CPLX4: variants seen among roughly 807,000 people sequenced by gnomAD.
CPLX4 encodes the protein complexin-4.
A neutral mutation model predicts 16.1 loss-of-function variants in CPLX4; 17 were observed. The ratio of observed to expected loss-of-function variants is 1.06; its 90% CI spans 0.72 to 1.59. The LOEUF (loss-of-function observed/expected upper bound fraction) is 1.59, where lower values mean the gene tolerates loss of function less well. Among genes scored for constraint, CPLX4 ranks in the 40% most tolerant of loss-of-function variants. The pLI, the probability that CPLX4 is intolerant of heterozygous loss-of-function variation, is 0.00. For synonymous variants in CPLX4, 55 were observed against 57.8 expected, an observed-to-expected ratio of 0.95 and a Z score of 0.22; for missense variants, 193 against 192.9, an observed-to-expected ratio of 1.00 and a Z score of 0.00.
Position 59,296,920 on chromosome 18 carries a change from T to G in CPLX4, c.261A>C (p.Glu87Asp), listed in dbSNP as rs1277791467. The change falls in exon 3 of 3, where the codon GAA (glutamate) becomes GAC (aspartate). Residue 87 changes from glutamate (E) to aspartate (D), a missense_variant. By Grantham distance (45) the Glu-to-Asp change is conservative (BLOSUM62 2). Transcript: ENST00000299721. ...CCATCTGGATTTGATTCTCATCCAT[T>G]TCACTCTATGTGAAAAATAAATAGA... ...LREKYRLPKS[E>D]MDENQIQMAG... The G allele has an allele frequency of 4.4e-6, 7 of 1,606,972 alleles. No individual in the cohort carries two copies. The highest frequency in any genetic ancestry group is 5.9e-6 in the Non-Finnish European group (7 of 1,178,712).
chr18:59,301,823 T>C (rs1351269369), intron 2 of CPLX4, among the ~76,000 whole-genome samples: 1 of 152,264 alleles, frequency 6.6e-6, no homozygotes, highest in Non-Finnish European at 1.5e-5. Flanking sequence ...CACCAATGCA[T>C]GACCTTGGGC....
intron 2 of CPLX4, among the ~76,000 whole-genome samples, chr18:59,308,541 C>CTTTT (rs372511937): frequency 5.0e-5 from 6 of 119,398 alleles, no homozygotes; most frequent in Non-Finnish European, 6.8e-5. Context: ...CCTATCAAGA[C>CTTTT]TTTTTTTTTT....
chr18:59,300,582 A>G (rs2070534055), intron 2 of CPLX4, among the ~76,000 whole-genome samples: 1 of 152,160 alleles, frequency 6.6e-6, no homozygotes, highest in Admixed American at 6.5e-5. Context: ...CTTCGTATAG[A>G]TGGCCTCTTT....
chr18:59,302,286 C>T (rs1346841916), intron 2 of CPLX4, among the ~76,000 whole-genome samples: 1 of 152,216 alleles, frequency 6.6e-6, no homozygotes, highest in Non-Finnish European at 1.5e-5. Context: ...ACAGTTCACA[C>T]TTCAAGGAAA....
At chr18:59,305,704 G>A (rs1320426000) in intron 2 of CPLX4, among the ~76,000 whole-genome samples, 2 of 152,196 alleles carry the variant, frequency 1.3e-5, no homozygotes, top group Non-Finnish European at 2.9e-5. Flanking sequence ...GGTGGCTGCA[G>A]TTATGAAATT....
chr18:59,317,038 G>T (rs1393682356), intron 1 of CPLX4, among the ~76,000 whole-genome samples: 1 of 152,026 alleles, frequency 6.6e-6, no homozygotes, highest in Non-Finnish European at 1.5e-5. Flanking sequence ...TTTGCTAGTT[G>T]CATTGACTGT....
rs1487304096 is a variant in CPLX4 at position 59,295,511 on chromosome 18, G to A, written c.*1187C>T. ...AGAACAACTTAGACCCTAAGTTTTC[G>A]GTCTCAGTTTCCTTTTCCTTTGATA... On this transcript the variant is annotated 3_prime_UTR_variant, in exon 3 of 3. Transcript: ENST00000299721. The A allele has an allele frequency of 2.0e-5, 3 of 151,300 alleles. No homozygotes were observed. The highest frequency in any genetic ancestry group is 2.1e-4 in the South Asian group (1 of 4,810). The allele number at this position is 151,300 out of a possible 1,614,324, so 9.4% of individuals were successfully genotyped here.
chr18:59,300,770 C>A (rs1179288624), intron 2 of CPLX4, among the ~76,000 whole-genome samples: 1 of 152,164 alleles, frequency 6.6e-6, no homozygotes, highest in Non-Finnish European at 1.5e-5. Context: ...GGCAGTCTTG[C>A]ACATGGGGTT....
At chr18:59,300,907 C>T (rs1217690224) in intron 2 of CPLX4, among the ~76,000 whole-genome samples, 2 of 152,212 alleles carry the variant, frequency 1.3e-5, no homozygotes, top group Middle Eastern at 3.2e-3. Flanking sequence ...GCACTAGGCT[C>T]TCTATTCTAG....
At position 59,308,478 on chromosome 18, in the gene CPLX4, TTTTC is replaced by T. The variant is rs551366357; in HGVS notation, c.255+4203_255+4206del. Reference sequence around the variant, plus strand: ...AAATAGTAAGGCTTTTTTTTTTTCCTTTTCTTTCTTTCTTTGTTGTTGTTTTGTT... The same window carrying T: ...AAATAGTAAGGCTTTTTTTTTTTCCTTTTCTTTCTTTGTTGTTGTTTTGTT... On this transcript the variant is annotated intron_variant, in intron 2 of 2. Coordinates refer to ENST00000299721, the MANE Select transcript of CPLX4 (RefSeq NM_181654.4). Among the ~76,000 whole-genome samples, 1,072 of 151,496 alleles carry T rather than the reference TTTTC, an allele frequency of 7.1e-3. 13 individuals are homozygous for T. The highest frequency in any genetic ancestry group is 0.01 in the Non-Finnish European group (693 of 67,872).
intron 1 of CPLX4, among the ~76,000 whole-genome samples, chr18:59,315,248 A>G (rs2070644257): frequency 6.6e-6 from 1 of 152,100 alleles, no homozygotes; most frequent in African/African-American, 2.4e-5. Flanking sequence ...CTGTGATTTT[A>G]ATTTTTTCCA....
At chr18:59,307,408 G>T (rs2070584074) in intron 2 of CPLX4, among the ~76,000 whole-genome samples, 1 of 152,236 alleles carries the variant, frequency 6.6e-6, no homozygotes, top group South Asian at 2.1e-4. Flanking sequence ...TTGGAGGGAA[G>T]TGATGGTTGG....
At chr18:59,298,981 C>T (rs186581269) in intron 2 of CPLX4, among the ~76,000 whole-genome samples, 73 of 152,326 alleles carry the variant, frequency 4.8e-4, no homozygotes, top group African/African-American at 1.6e-3. Context: ...TTCACCCAGG[C>T]CCTCCTTGGA....
rs142303103 is a variant in CPLX4 at position 59,306,474 on chromosome 18, C to T, written c.255+6211G>A. Among the ~76,000 whole-genome samples the T allele has an allele frequency of 4.6e-5, 7 of 152,272 alleles. No homozygotes were observed. The East Asian group carries it at 1.4e-3, about 29-fold the overall frequency. On this transcript the variant is annotated intron_variant, in intron 2 of 2. Coordinates refer to ENST00000299721, the MANE Select transcript of CPLX4 (RefSeq NM_181654.4). ...TGATTACCAAAATTAACAATGGTCA[C>T]CAAAAGACATTGGTATAGCAAATAG...
Position 59,312,689 on chromosome 18 carries a change from G to A in CPLX4, c.251C>T (p.Pro84Leu). 8.0e-7 allele frequency: 1 copy of A among 1,251,332 alleles called. No individual in the cohort carries two copies. Among genetic ancestry groups the A allele is most frequent in the Non-Finnish European group, 1.2e-6 (1 of 848,974 alleles). The allele number at this position is 1,251,332 out of a possible 1,614,324, so 77.5% of individuals were successfully genotyped here. Reference sequence around the variant, plus strand: ...GATGTTTCCAGAGTGTCTTACCTTTGGGAGCCTGTATTTTTCTCTGAGATG... The same window carrying A: ...GATGTTTCCAGAGTGTCTTACCTTTAGGAGCCTGTATTTTTCTCTGAGATG... ...RVHLREKYRL[P>L]KSEMDENQIQ... The change falls in exon 2 of 3, where the codon CCA becomes CTA. Residue 84 changes from proline (P) to leucine (L), a missense_variant. Coordinates refer to ENST00000299721, the MANE Select transcript of CPLX4 (RefSeq NM_181654.4).
intron 2 of CPLX4, among the ~76,000 whole-genome samples, chr18:59,308,007 A>G (rs1001903794): frequency 6.7e-6 from 1 of 150,032 alleles, no homozygotes; most frequent in African/African-American, 2.5e-5. Flanking sequence ...TGAACTCTTG[A>G]CCTCAGGTGA....
intron 2 of CPLX4, 41 bp from the exon 3 acceptor site, chr18:59,296,966 C>T: frequency 1.3e-6 from 2 of 1,577,862 alleles, no homozygotes; most frequent in Non-Finnish European, 8.5e-7. Flanking sequence ...TAACTCTAAA[C>T]TACTAACTCA....
chr18:59,295,606 G>A lies in CPLX4; in HGVS notation c.*1092C>T, dbSNP rs1229919931. The A allele has an allele frequency of 6.6e-6, 1 of 151,938 alleles. No homozygotes were observed. The highest frequency in any genetic ancestry group is 1.9e-4 in the East Asian group (1 of 5,168). 9.4% of individuals were successfully genotyped at this position (151,938 alleles called of 1,614,324 possible). A position where few individuals can be genotyped will look rare whatever the true frequency, so the allele number is the denominator to read the frequency against. ...AAAATCAGTATTTTGTTTTGGTTTGGTGGGCTTTAGCTAAATAGCTCGAAG... is the reference window on the plus strand; with the variant it reads ...AAAATCAGTATTTTGTTTTGGTTTGATGGGCTTTAGCTAAATAGCTCGAAG... On this transcript the variant is annotated 3_prime_UTR_variant, in exon 3 of 3. Coordinates refer to ENST00000299721, the MANE Select transcript of CPLX4 (RefSeq NM_181654.4).
At position 59,296,385 on chromosome 18, in the gene CPLX4, C is replaced by T. The variant is rs189958910; in HGVS notation, c.*313G>A. Reference sequence around the variant, plus strand: ...AAGGAAGAAAGTTGGAGAGGAAATGCCCCTTGCTTTTGTTTCTTCCTGGCT... The same window carrying T: ...AAGGAAGAAAGTTGGAGAGGAAATGTCCCTTGCTTTTGTTTCTTCCTGGCT... On this transcript the variant is annotated 3_prime_UTR_variant, in exon 3 of 3. Transcript: ENST00000299721. The T allele has an allele frequency of 1.9e-4, 65 of 347,386 alleles. No homozygotes were observed. In the East Asian group the frequency reaches 4.6e-3, roughly 25 times the overall value. 21.5% of individuals were successfully genotyped at this position (347,386 alleles called of 1,614,324 possible). A position where few individuals can be genotyped will look rare whatever the true frequency, so the allele number is the denominator to read the frequency against.
Sources: allele counts gnomAD v4.1 joint callset (sites outside exome capture counted in the v4.1 genomes callset), GRCh38; gene constraint gnomAD v4.1.1; transcripts MANE v1.5; gene names NCBI Gene and HGNC (gene_info 2026-07-23, HGNC 2026-07-21).